Variants in SLC4A4 observed in about 807,000 individuals in gnomAD.
SLC4A4 encodes the protein solute carrier family 4 member 4.
SLC4A4 carries 27 observed loss-of-function variants against 111.5 expected under a neutral mutation model. The ratio of observed to expected loss-of-function variants is 0.24; its 90% CI spans 0.18 to 0.33. SLC4A4 has a LOEUF of 0.33. Ranked by LOEUF, SLC4A4 falls within the 10% of genes least tolerant of loss-of-function variation. The pLI is 1.00. For synonymous variants in SLC4A4, 443 were observed against 463.4 expected (o/e 0.96, Z 0.57); for missense variants, 909 against 1,315.5 (o/e 0.69, Z 4.78).
chr4:71,299,163 G>A (rs1256016599), intron 3 of SLC4A4, among the ~76,000 whole-genome samples: 1 of 152,158 alleles, frequency 6.6e-6, no homozygotes, highest in Non-Finnish European at 1.5e-5. Flanking sequence ...CAGAAAAGTG[G>A]TGTGAAGGAT....
Position 71,158,141 on chromosome 4 carries a change from G to GTGTGTGTC in SLC4A4, c.-2+65350_-2+65351insGTGTGTCT, listed in dbSNP as rs1449317425. 1.2e-4 allele frequency among the ~76,000 whole-genome samples: 15 copies of GTGTGTGTC among 120,314 alleles called. No homozygotes were observed. The South Asian group carries it at 1.9e-3, about 15-fold the overall frequency. 78.9% of individuals were successfully genotyped at this position (120,314 alleles called of 152,430 possible). A position where few individuals can be genotyped will look rare whatever the true frequency, so the allele number is the denominator to read the frequency against. On this transcript the variant is annotated intron_variant, in intron 2 of 26. Transcript: ENST00000649996. ...TGTGTGTGTGTGTGTGTGTGTGTGT[G>GTGTGTGTC]TCTCTCTCTCTCTCTCTCTTTCTCT...
intron 7 of SLC4A4, among the ~76,000 whole-genome samples, chr4:71,411,843 T>G (rs1336156808): frequency 6.6e-6 from 1 of 152,196 alleles, no homozygotes; most frequent in African/African-American, 2.4e-5. Flanking sequence ...TAGGGCCTAG[T>G]GATGTTGCTG....
At chr4:71,303,818 CT>C (rs1460752675) in intron 3 of SLC4A4, among the ~76,000 whole-genome samples, 2 of 151,958 alleles carry the variant, frequency 1.3e-5, no homozygotes, top group East Asian at 3.9e-4. Flanking sequence ...TCCCTCCGTC[CT>C]TCCTTTCTTC....
chr4:71,435,007 A>G (rs1560505524), intron 7 of SLC4A4, among the ~76,000 whole-genome samples: 1 of 152,244 alleles, frequency 6.6e-6, no homozygotes, highest in East Asian at 1.9e-4. Context: ...AAAGTAATTT[A>G]TAGATTCAAT....
chr4:71,534,105 G>A (rs1272681852), intron 17 of SLC4A4, 122 bp from the exon 18 acceptor site: 3 of 810,368 alleles, frequency 3.7e-6, no homozygotes, highest in Non-Finnish European at 6.3e-6. Context: ...GCTCATAACT[G>A]TTTATATTTC....
At chr4:71,099,046 T>A (rs1311610197) in intron 2 of SLC4A4, among the ~76,000 whole-genome samples, 1 of 152,124 alleles carries the variant, frequency 6.6e-6, no homozygotes. Flanking sequence ...ATTAGATAGA[T>A]CATTGACGCA....
At chr4:71,538,483 A>G (rs1165851321) in intron 18 of SLC4A4, among the ~76,000 whole-genome samples, 1 of 152,162 alleles carries the variant, frequency 6.6e-6, no homozygotes, top group Non-Finnish European at 1.5e-5. Context: ...TGAACATTTC[A>G]TCATTAATCA....
At chr4:71,115,773 G>T (rs1219710752) in intron 2 of SLC4A4, among the ~76,000 whole-genome samples, 1 of 152,116 alleles carries the variant, frequency 6.6e-6, no homozygotes, top group South Asian at 2.1e-4. Context: ...TCAGCAGGTT[G>T]TCTGTTTCTT....
At chr4:71,386,987 C>G (rs892318548) in intron 6 of SLC4A4, among the ~76,000 whole-genome samples, 1 of 152,146 alleles carries the variant, frequency 6.6e-6, no homozygotes. Flanking sequence ...GCTAATTGCC[C>G]TGGTCTTTTC....
chr4:71,511,598 A>G (rs1731924989), intron 16 of SLC4A4, among the ~76,000 whole-genome samples: 2 of 152,048 alleles, frequency 1.3e-5, no homozygotes, highest in South Asian at 4.1e-4. Flanking sequence ...GGTATGTGTG[A>G]GATTTTGTTA....
At chr4:71,211,552 A>G (rs1477835343) in intron 1 of SLC4A4, among the ~76,000 whole-genome samples, 1 of 152,196 alleles carries the variant, frequency 6.6e-6, no homozygotes, top group Non-Finnish European at 1.5e-5. Context: ...AGTGACCTCA[A>G]TGTTGCTGCA....
At chr4:71,220,345 G>C (rs1299994337) in intron 1 of SLC4A4, among the ~76,000 whole-genome samples, 2 of 152,164 alleles carry the variant, frequency 1.3e-5, no homozygotes, top group Admixed American at 1.3e-4. Context: ...CAACAGTGTA[G>C]TATAAACGTA....
Position 71,255,479 on chromosome 4 carries a change from G to A in SLC4A4, c.253+80G>A. The stretch of plus-strand genomic sequence containing the variant: ...GAAGGACACCTTTTTGAATCTTGTG[G>A]CTAAAGGGGAGGGACACTGTAATAC... On this transcript the variant is annotated intron_variant, in intron 3 of 25. Coordinates refer to ENST00000264485, the MANE Select transcript of SLC4A4 (RefSeq NM_001098484.3). The A allele has an allele frequency of 5.7e-6, 8 of 1,400,108 alleles. No homozygotes were observed. The South Asian group carries it at 8.1e-5, about 14-fold the overall frequency. The allele number at this position is 1,400,108 out of a possible 1,614,324, so 86.7% of individuals were successfully genotyped here. A position where few individuals can be genotyped will look rare whatever the true frequency, so the allele number is the denominator to read the frequency against.
intron 2 of SLC4A4, among the ~76,000 whole-genome samples, chr4:71,176,386 A>G (rs906789078): frequency 1.4e-3 from 218 of 152,340 alleles, no homozygotes; most frequent in Non-Finnish European, 2.6e-4. Flanking sequence ...ACTCCGAGCT[A>G]AAGGAGGAAG....
intron 3 of SLC4A4, among the ~76,000 whole-genome samples, chr4:71,272,669 C>T (rs940740569): frequency 9.2e-5 from 14 of 152,052 alleles, no homozygotes; most frequent in Admixed American, 4.6e-4. Context: ...GGCATGTGGT[C>T]GAGCTTTATG....
chr4:71,512,937 G>C (rs1175869001), intron 16 of SLC4A4, among the ~76,000 whole-genome samples: 1 of 152,092 alleles, frequency 6.6e-6, no homozygotes, highest in Non-Finnish European at 1.5e-5. Context: ...GGATCAGTTA[G>C]CTGTAAGTGT....
intron 7 of SLC4A4, among the ~76,000 whole-genome samples, chr4:71,427,033 G>A (rs1723208037): frequency 2.6e-5 from 4 of 151,762 alleles, no homozygotes; most frequent in Admixed American, 2.0e-4. Flanking sequence ...CACACATATG[G>A]GTATGCATAG....
chr4:71,298,556 T>A (rs1036806169), intron 3 of SLC4A4, among the ~76,000 whole-genome samples: 2 of 152,232 alleles, frequency 1.3e-5, no homozygotes, highest in African/African-American at 2.4e-5. Flanking sequence ...CAAATGTGTA[T>A]TCCACACTTT....
intron 2 of SLC4A4, among the ~76,000 whole-genome samples, chr4:71,166,042 G>T (rs1236198596): frequency 6.6e-6 from 1 of 152,092 alleles, no homozygotes; most frequent in Admixed American, 6.6e-5. Flanking sequence ...TCCATAAAAA[G>T]AAAAATTTCC....
Sources: allele counts gnomAD v4.1 joint callset (sites outside exome capture counted in the v4.1 genomes callset), GRCh38; gene constraint gnomAD v4.1.1; transcripts MANE v1.5; gene names NCBI Gene and HGNC (gene_info 2026-07-23, HGNC 2026-07-21).